GRM8: variants seen among roughly 807,000 people sequenced by gnomAD.
The protein encoded by GRM8 is metabotropic glutamate receptor 8.
In GRM8, 47 loss-of-function variants were observed where a neutral mutation model predicts 87.2. That is an observed-to-expected ratio of 0.54 (90% CI 0.43 to 0.69). The LOEUF is 0.69. GRM8 is among the 30% of genes least tolerant of loss of function. The probability of loss-of-function intolerance (pLI) is 0.00; values close to 1 mark genes in which losing one functional copy is unlikely to be tolerated. For missense variants in GRM8, 1,019 were observed against 1,139.2 expected (o/e 0.89, Z 1.52); for synonymous variants, 396 against 404.5 (o/e 0.98, Z 0.25).
chr7:126,956,618 A>G (rs1808714380), intron 3 of GRM8, among the ~76,000 whole-genome samples: 1 of 152,160 alleles, frequency 6.6e-6, no homozygotes, highest in African/African-American at 2.4e-5. Context: ...TATATCTCCT[A>G]ATGCTATCCC....
intron 3 of GRM8, among the ~76,000 whole-genome samples, chr7:127,064,930 G>A (rs1178430904): frequency 6.6e-6 from 1 of 152,202 alleles, no homozygotes; most frequent in Non-Finnish European, 1.5e-5. Context: ...GTGCAAATTA[G>A]TTCAACCATT....
intron 8 of GRM8, among the ~76,000 whole-genome samples, chr7:126,539,282 G>GA (rs1032899994): frequency 4.7e-5 from 7 of 149,532 alleles, no homozygotes; most frequent in South Asian, 4.2e-4. Flanking sequence ...GAAAAAAAGT[G>GA]AAAAAAAAAG....
chr7:126,640,728 T>C (rs1347383357), intron 7 of GRM8, among the ~76,000 whole-genome samples: 2 of 152,222 alleles, frequency 1.3e-5, no homozygotes, highest in African/African-American at 4.8e-5. Context: ...GTAGTTGTTC[T>C]GGACCTTCCC....
rs535129882 is a variant in GRM8, at chr7:127,179,849, C to T, written c.510+62846G>A. Among the ~76,000 whole-genome samples the T allele has an allele frequency of 2.2e-4, 33 of 152,000 alleles. No homozygotes were observed. The South Asian group carries it at 5.2e-3, about 24-fold the overall frequency. On this transcript the variant is annotated intron_variant, in intron 2 of 10. Transcript: ENST00000339582. ...CAAAACCTCTGGGATAAAGCAAAGG[C>T]GGTGCTAAGAGGAAAGTTCATAACC... is the stretch of plus-strand genomic sequence containing the variant.
intron 6 of GRM8, among the ~76,000 whole-genome samples, chr7:126,887,754 G>A (rs1286095782): frequency 6.6e-6 from 1 of 152,018 alleles, no homozygotes; most frequent in Non-Finnish European, 1.5e-5. Flanking sequence ...AGTTCTCCAG[G>A]GGAACGTGTG....
chr7:127,014,792 T>C (rs186639714), intron 3 of GRM8, among the ~76,000 whole-genome samples: 43 of 151,908 alleles, frequency 2.8e-4, no homozygotes, highest in Non-Finnish European at 4.7e-4. Context: ...GCTAGGATGC[T>C]TTCTTTCTGC....
At chr7:126,597,495 T>C (rs1197628967) in intron 8 of GRM8, among the ~76,000 whole-genome samples, 1 of 152,100 alleles carries the variant, frequency 6.6e-6, no homozygotes, top group East Asian at 1.9e-4. Flanking sequence ...TATTCCTCCA[T>C]CCCAGAGCTT....
chr7:126,924,209 C>T (rs1739493153), intron 3 of GRM8, among the ~76,000 whole-genome samples: 1 of 152,132 alleles, frequency 6.6e-6, no homozygotes, highest in Non-Finnish European at 1.5e-5. Context: ...GACTGTATCC[C>T]AACTGACAGA....
At chr7:126,450,505 G>A (rs1802499504) in intron 9 of GRM8, among the ~76,000 whole-genome samples, 1 of 151,836 alleles carries the variant, frequency 6.6e-6, no homozygotes, top group Admixed American at 6.6e-5. Context: ...GTATTTCTCT[G>A]CTTCTGTTTC....
intron 9 of GRM8, among the ~76,000 whole-genome samples, chr7:126,469,072 A>G (rs2150548411): frequency 6.6e-6 from 1 of 152,202 alleles, no homozygotes; most frequent in Middle Eastern, 3.4e-3. Context: ...TATAAGACCA[A>G]CACCCACTTG....
At chr7:127,187,383 G>T (rs1160178376) in intron 2 of GRM8, among the ~76,000 whole-genome samples, 1 of 151,570 alleles carries the variant, frequency 6.6e-6, no homozygotes, top group Non-Finnish European at 1.5e-5. Flanking sequence ...CTTTTTTAAA[G>T]AATTCTCATG....
intron 3 of GRM8, among the ~76,000 whole-genome samples, chr7:126,986,074 C>T (rs1812033267): frequency 6.6e-6 from 1 of 151,900 alleles, no homozygotes; most frequent in Non-Finnish European, 1.5e-5. Context: ...TCCAGTGGTA[C>T]AATCATCAGT....
At chr7:126,775,447 T>G (rs1819322269) in intron 6 of GRM8, among the ~76,000 whole-genome samples, 1 of 144,562 alleles carries the variant, frequency 6.9e-6, no homozygotes, top group African/African-American at 2.6e-5. Context: ...CATCACACAC[T>G]AAAGAGTGAG....
chr7:126,641,171 T>C (rs924772234), intron 7 of GRM8, among the ~76,000 whole-genome samples: 8 of 152,152 alleles, frequency 5.3e-5, no homozygotes, highest in African/African-American at 1.9e-4. Context: ...AATACTTTAC[T>C]TTTTAAAAGT....
Position 126,602,792 on chromosome 7 carries a change from A to G in GRM8, c.1494+6570T>C, listed in dbSNP as rs1366399680. On this transcript the variant is annotated intron_variant, in intron 8 of 10. Transcript: ENST00000339582. ...CAGGACCAGATGGATTCACAGCTGAATTCTACCAGAGGTACAAGGAGGAAC... is the reference window on the plus strand; with the variant it reads ...CAGGACCAGATGGATTCACAGCTGAGTTCTACCAGAGGTACAAGGAGGAAC... 3.3e-5 allele frequency among the ~76,000 whole-genome samples: 5 copies of G among 150,282 alleles called. No individual in the cohort carries two copies. In the Admixed American group the frequency reaches 3.3e-4, roughly 10 times the overall value.
At chr7:126,561,498 A>G (rs1793692902) in intron 8 of GRM8, among the ~76,000 whole-genome samples, 1 of 151,980 alleles carries the variant, frequency 6.6e-6, no homozygotes, top group Non-Finnish European at 1.5e-5. Flanking sequence ...ATAAAAACCA[A>G]TCCAGGATGC....
At chr7:127,002,047 A>G (rs897155669) in intron 3 of GRM8, among the ~76,000 whole-genome samples, 1 of 151,558 alleles carries the variant, frequency 6.6e-6, no homozygotes, top group Non-Finnish European at 1.5e-5. Context: ...GGTAGGAGAG[A>G]GGTGTGACTA....
chr7:126,691,706 T>G (rs1409494201), intron 7 of GRM8, among the ~76,000 whole-genome samples: 2 of 152,084 alleles, frequency 1.3e-5, no homozygotes, highest in African/African-American at 2.4e-5. Flanking sequence ...GGCATAATAC[T>G]GGGGCCCCCA....
At chr7:127,118,717 C>T (rs530949071) in intron 2 of GRM8, among the ~76,000 whole-genome samples, 11 of 152,284 alleles carry the variant, frequency 7.2e-5, no homozygotes, top group Admixed American at 2.6e-4. Context: ...AGTCTGACCC[C>T]GGATTCATTT....
Sources: allele counts gnomAD v4.1 joint callset (sites outside exome capture counted in the v4.1 genomes callset), GRCh38; gene constraint gnomAD v4.1.1; transcripts MANE v1.5; gene names NCBI Gene and HGNC (gene_info 2026-07-23, HGNC 2026-07-21).